Variants in EXOC1 observed in about 807,000 individuals in gnomAD.
EXOC1 encodes the protein exocyst complex component 1.
In EXOC1, 67 loss-of-function variants were observed where a neutral mutation model predicts 107.7. That is an observed-to-expected ratio of 0.62 (90% CI 0.51 to 0.76). The LOEUF (loss-of-function observed/expected upper bound fraction) is 0.76. Among genes scored for constraint, EXOC1 ranks in the 30% least tolerant of loss-of-function variants. The pLI is 0.00. For synonymous variants in EXOC1, 348 were observed against 353.5 expected (o/e 0.98, Z 0.17); for missense variants, 833 against 1,055.7 (o/e 0.79, Z 2.92).
At chr4:55,884,935 C>A (rs1377946804) in intron 10 of EXOC1, among the ~76,000 whole-genome samples, 1 of 152,116 alleles carries the variant, frequency 6.6e-6, no homozygotes, top group Non-Finnish European at 1.5e-5. Flanking sequence ...TTATACTAGT[C>A]CAGACATTTG....
At chr4:55,874,474 AT>A (rs1722718966) in intron 8 of EXOC1, among the ~76,000 whole-genome samples, 1 of 152,058 alleles carries the variant, frequency 6.6e-6, no homozygotes, top group South Asian at 2.1e-4. Context: ...AAATTAATAC[AT>A]TTACCCTTAT....
In EXOC1 at chr4:55,868,404, G is replaced by T; in HGVS notation, c.484G>T (p.Glu162Ter). The T allele has an allele frequency of 1.2e-6, 2 of 1,613,766 alleles. No individual in the cohort carries two copies. Among genetic ancestry groups the T allele is most frequent in the Non-Finnish European group, 1.7e-6 (2 of 1,179,812 alleles). ...TGAAGAAGTAGTAGATGAATACCAAGAGTTAAATGCAAGAGAAGAACAGGA... is the reference window on the plus strand; with the variant it reads ...TGAAGAAGTAGTAGATGAATACCAATAGTTAAATGCAAGAGAAGAACAGGA... ...GDEEVVDEYQ[E>*]LNAREEQDIE... is the part of the protein sequence containing the mutation. The change falls in exon 5 of 19, where the codon GAG (glutamate) becomes TAG (stop). Residue 162 changes from glutamate to a stop codon, truncating the protein, a stop_gained. Coordinates refer to ENST00000381295, the MANE Select transcript of EXOC1 (RefSeq NM_001024924.2). LOFTEE classifies it high-confidence loss of function.
chr4:55,872,080 G>C, intron 8 of EXOC1, 122 bp downstream of exon 8: 2 of 899,012 alleles, frequency 2.2e-6, no homozygotes, highest in Non-Finnish European at 3.3e-6. Flanking sequence ...TCACATATTT[G>C]ATTTTAAGAT....
chr4:55,876,093 A>AT (rs1722872584), intron 8 of EXOC1: 2 of 984,956 alleles, frequency 2.0e-6, no homozygotes, highest in Admixed American at 1.2e-4. Flanking sequence ...ATAGAAATAG[A>AT]TAATAGTCCA....
At chr4:55,903,399 A>G (rs1212309657) in intron 18 of EXOC1, among the ~76,000 whole-genome samples, 1 of 152,156 alleles carries the variant, frequency 6.6e-6, no homozygotes, top group Non-Finnish European at 1.5e-5. Context: ...TTAACCTCTG[A>G]AAGTCAGATG....
At chr4:55,890,533 A>G (rs1208388871) in intron 12 of EXOC1, 147 bp downstream of exon 12, 82 of 294,906 alleles carry the variant, frequency 2.8e-4, no homozygotes, top group East Asian at 2.2e-3. Context: ...GAATCTGGGA[A>G]AAAAAAAAAA....
rs185762007 is a variant in EXOC1 at position 55,865,178 on chromosome 4, A to T, written c.415+792A>T. ...TACCAGTATAAAATCCTTAGACATGAAGATTATTAGAATATTTTTGATCAG... is the reference window on the plus strand; with the variant it reads ...TACCAGTATAAAATCCTTAGACATGTAGATTATTAGAATATTTTTGATCAG... On this transcript the variant is annotated intron_variant, in intron 4 of 18. Coordinates refer to ENST00000381295, the MANE Select transcript of EXOC1 (RefSeq NM_001024924.2). 1.3e-4 allele frequency among the ~76,000 whole-genome samples: 20 copies of T among 152,332 alleles called. No individual in the cohort carries two copies. In the East Asian group the frequency reaches 3.3e-3, roughly 25 times the overall value.
At chr4:55,879,054 G>A (rs185113593) in intron 9 of EXOC1, among the ~76,000 whole-genome samples, 129 of 152,306 alleles carry the variant, frequency 8.5e-4, no homozygotes, top group African/African-American at 2.9e-3. Context: ...TTGGAGTTTA[G>A]AACAGTAGTA....
intron 14 of EXOC1, among the ~76,000 whole-genome samples, chr4:55,893,103 T>G (rs1724767965): frequency 6.6e-6 from 1 of 151,998 alleles, no homozygotes; most frequent in South Asian, 2.1e-4. Flanking sequence ...ATTTAGACAT[T>G]TTTATTTGTT....
At chr4:55,864,559 A>C (rs1721782476) in intron 4 of EXOC1, among the ~76,000 whole-genome samples, 173 bp downstream of exon 4, 1 of 152,230 alleles carries the variant, frequency 6.6e-6, no homozygotes, top group Non-Finnish European at 1.5e-5. Context: ...TTAATACATT[A>C]TGATAAATAA....
intron 13 of EXOC1, among the ~76,000 whole-genome samples, chr4:55,892,084 C>T (rs1724624838): frequency 6.6e-6 from 1 of 152,022 alleles, no homozygotes; most frequent in South Asian, 2.1e-4. Context: ...CCACAGACAA[C>T]CAACTTATAA....
chr4:55,889,628 C>T (rs1293068586), intron 11 of EXOC1, among the ~76,000 whole-genome samples: 1 of 152,104 alleles, frequency 6.6e-6, no homozygotes, highest in Non-Finnish European at 1.5e-5. Flanking sequence ...TTTTAAAGGA[C>T]TATAATCAGT....
In EXOC1 at chr4:55,871,735, A is replaced by G. The variant is rs1722459956; in HGVS notation, c.965-114A>G. On this transcript the variant is annotated intron_variant, in intron 7 of 18. Coordinates refer to ENST00000381295, the MANE Select transcript of EXOC1 (RefSeq NM_001024924.2). ...CTTAACTTTTATCATGTAAATGAATACACCCATAAAACTTTTGGGTTCTTC... is the reference window on the plus strand; with the variant it reads ...CTTAACTTTTATCATGTAAATGAATGCACCCATAAAACTTTTGGGTTCTTC... 5 of 777,000 alleles carry G rather than the reference A, an allele frequency of 6.4e-6. No homozygotes were observed. The East Asian group carries it at 1.3e-4, about 20-fold the overall frequency. The allele number at this position is 777,000 out of a possible 1,614,324, so 48.1% of individuals were successfully genotyped here.
At chr4:55,894,190 T>G (rs1050311443) in intron 15 of EXOC1, among the ~76,000 whole-genome samples, 2 of 152,098 alleles carry the variant, frequency 1.3e-5, no homozygotes, top group African/African-American at 4.8e-5. Flanking sequence ...CCGGGCGTGG[T>G]AGCACATGCC....
rs757689826 is a variant in EXOC1 at position 55,904,397 on chromosome 4, G to A, written c.2587G>A (p.Gly863Ser). ...TATACGCCAGTATAAGCACTTTGAA[G>A]GTTTGATAGCTCGCTGTTATCCTGG... is the stretch of plus-strand genomic sequence containing the variant. Reference protein sequence around the residue: ...EFIRQYKHFEGLIARCYPGSG... With the variant: ...EFIRQYKHFESLIARCYPGSG... Residue 863 changes from glycine to serine, a missense_variant, in exon 19 of 19, where the codon GGT becomes AGT. Coordinates refer to ENST00000381295, the MANE Select transcript of EXOC1 (RefSeq NM_001024924.2). The A allele has an allele frequency of 6.8e-6, 11 of 1,612,230 alleles. No individual in the cohort carries two copies. The highest frequency in any genetic ancestry group is 1.3e-5 in the African/African-American group (1 of 74,352).
chr4:55,862,882 A>G (rs780713586), intron 3 of EXOC1, among the ~76,000 whole-genome samples: 1 of 152,132 alleles, frequency 6.6e-6, no homozygotes, highest in Non-Finnish European at 1.5e-5. Context: ...GTATACATCC[A>G]TAAGTTTGTT....
At position 55,890,257 on chromosome 4, in the gene EXOC1, T is replaced by C; in HGVS notation, c.1410T>C (p.Ser470=). Residue 470 remains serine, a synonymous_variant, in exon 12 of 19, where the codon TCT becomes TCC. Coordinates refer to ENST00000381295, the MANE Select transcript of EXOC1 (RefSeq NM_001024924.2). ...LHGSSGKLTG[S]TSSLNKLSVQ... ...GAAGTTCGGGGAAATTAACTGGATC[T>C]ACTTCTAGTCTAAATAAGCTCAGTG... is the stretch of plus-strand genomic sequence containing the variant. 1 of 1,614,076 alleles carries C rather than the reference T, an allele frequency of 6.2e-7. No homozygotes were observed. The highest frequency in any genetic ancestry group is 2.2e-5 in the East Asian group (1 of 44,854).
At chr4:55,860,901 C>T (rs1721411877) in intron 3 of EXOC1, among the ~76,000 whole-genome samples, 1 of 148,884 alleles carries the variant, frequency 6.7e-6, no homozygotes, top group Non-Finnish European at 1.5e-5. Context: ...ATAGAATCAC[C>T]AGCTGGGGCA....
intron 4 of EXOC1, among the ~76,000 whole-genome samples, chr4:55,867,261 T>C (rs1722039400): frequency 6.6e-6 from 1 of 152,198 alleles, no homozygotes; most frequent in South Asian, 2.1e-4. Context: ...GTAATATCTC[T>C]CTAAAGAACT....
Sources: allele counts gnomAD v4.1 joint callset (sites outside exome capture counted in the v4.1 genomes callset), GRCh38; gene constraint gnomAD v4.1.1; transcripts MANE v1.5; gene names NCBI Gene and HGNC (gene_info 2026-07-23, HGNC 2026-07-21).